The following DVL1 variants were observed in gnomAD, a reference collection of about 807,000 sequenced individuals.
DVL1 encodes the protein segment polarity protein dishevelled homolog DVL-1.
DVL1 carries 49 observed loss-of-function variants against 65.0 expected under a neutral mutation model. That is an observed-to-expected ratio of 0.75 (90% confidence interval 0.60 to 0.96). The LOEUF (loss-of-function observed/expected upper bound fraction) is 0.96. Ranked by LOEUF, DVL1 falls within the 40% of genes least tolerant of loss-of-function variation. The pLI is 0.00. For missense variants in DVL1, 1,197 were observed against 1,045.4 expected, an observed-to-expected ratio of 1.15 and a Z score of -2.00; for synonymous variants, 608 against 433.9, an observed-to-expected ratio of 1.40 and a Z score of -4.99.
At chr1:1,344,668 C>G (rs1363780588) in intron 1 of DVL1, among the ~76,000 whole-genome samples, 1 of 152,182 alleles carries the variant, frequency 6.6e-6, no homozygotes, top group Non-Finnish European at 1.5e-5. Context: ...CACACAGGAG[C>G]CTTCCCAGGT....
At position 1,338,395 on chromosome 1, in the gene DVL1, A is replaced by G; in HGVS notation, c.1381T>C (p.Phe461Leu). 1 of 1,612,630 alleles carries G rather than the reference A, an allele frequency of 6.2e-7. No homozygotes were observed. Among genetic ancestry groups the G allele is most frequent in the Non-Finnish European group, 8.5e-7 (1 of 1,179,866 alleles). The change falls in exon 13 of 15, where the codon TTC becomes CTC. Residue 461 changes from phenylalanine (F) to leucine (L), a missense_variant. Coordinates refer to ENST00000378888, the MANE Select transcript of DVL1 (RefSeq NM_001330311.2). ...TTCCGGGCCTCCCGCCGCTCCTTGA[A>G]GCCCTCCACGTGTGTGTACAGCCAG... ...VDWLYTHVEG[F>L]KERREARKYA...
chr1:1,347,448 C>T (rs762644222), intron 1 of DVL1, among the ~76,000 whole-genome samples: 7 of 152,166 alleles, frequency 4.6e-5, no homozygotes, highest in South Asian at 2.1e-4. Context: ...GGGCAGCCCC[C>T]GGTGGGTGTC....
At chr1:1,339,497 G>C in intron 10 of DVL1, 58 bp from the exon 11 acceptor site, 1 of 1,543,736 alleles carries the variant, frequency 6.5e-7, no homozygotes, top group Non-Finnish European at 8.7e-7. Flanking sequence ...GGGAGGGCAG[G>C]GTGCAGGGCA....
At chr1:1,339,056 C>T (rs542736976) in intron 11 of DVL1, among the ~76,000 whole-genome samples, 13 of 152,322 alleles carry the variant, frequency 8.5e-5, no homozygotes, top group Admixed American at 2.0e-4. Flanking sequence ...GGGTGCTCCC[C>T]GCATAGGGGC....
Position 1,340,300 on chromosome 1 carries a change from C to G in DVL1, c.716G>C (p.Ser239Thr), listed in dbSNP as rs752745458. Residue 239 changes from serine to threonine, a missense_variant, in exon 7 of 15, where the codon AGC becomes ACC. By Grantham distance (58) the Ser-to-Thr change is moderately conservative. Coordinates refer to ENST00000378888, the MANE Select transcript of DVL1 (RefSeq NM_001330311.2). ...GAGGGACATGGTGGAGTCGGTTATG[C>G]TGCTGAAGGAGGAGGCCTATGGAGG... ...RQADRASSFS[S>T]ITDSTMSLNI... is the part of the protein sequence containing the mutation. 1.7e-5 allele frequency: 28 copies of G among 1,613,866 alleles called. No individual in the cohort carries two copies. Among genetic ancestry groups the G allele is most frequent in the Non-Finnish European group, 2.3e-5 (27 of 1,180,008 alleles).
chr1:1,348,957 G>C lies in DVL1; in HGVS notation c.109C>G (p.Leu37Val), dbSNP rs1178441582. The change falls in exon 1 of 15, where the codon CTC becomes GTC. Residue 37 changes from leucine (L) to valine (V), a missense_variant. Transcript: ENST00000378888. ...TAGGCGTGCACGGGCCGGTTGCTGA[G>C]CACGTTCTTGAAGTCGGCCAGCGTG... ...RVTLADFKNV[L>V]SNRPVHAYKF... 1 of 1,575,326 alleles carries C rather than the reference G, an allele frequency of 6.3e-7. No homozygotes were observed. The highest frequency in any genetic ancestry group is 1.4e-5 in the African/African-American group (1 of 72,114).
chr1:1,338,374 G>C lies in DVL1; in HGVS notation c.1402C>G (p.Arg468Gly), dbSNP rs754108481. The change falls in exon 13 of 15, where the codon CGG (arginine) becomes GGG (glycine). Residue 468 changes from arginine to glycine, a missense_variant. Coordinates refer to ENST00000378888, the MANE Select transcript of DVL1 (RefSeq NM_001330311.2). ...TTCAGCAAGCTGCTGGCGTACTTCC[G>C]GGCCTCCCGCCGCTCCTTGAAGCCC... ...VEGFKERREA[R>G]KYASSLLKHG... 8.7e-6 allele frequency: 14 copies of C among 1,612,416 alleles called. 1 individual carries two copies. Among genetic ancestry groups the C allele is most frequent in the African/African-American group, 1.3e-5 (1 of 74,882 alleles).
chr1:1,348,277 G>C (rs771440579), intron 1 of DVL1, among the ~76,000 whole-genome samples: 17 of 152,188 alleles, frequency 1.1e-4, no homozygotes, highest in Non-Finnish European at 2.1e-4. Flanking sequence ...CGAAACAGCA[G>C]ATGGTCTGGG....
Position 1,349,184 on chromosome 1 carries a change from T to G in DVL1, c.-119A>C. On this transcript the variant is annotated 5_prime_UTR_variant, in exon 1 of 15. Transcript: ENST00000378888. The surrounding 1 kb of genome is among the most constrained non-coding windows in gnomAD (Gnocchi z 4.1). ...CCCGCACCGCTCTCGGCCCCGACGC[T>G]CCGAGGCCCCCGGGCGCCCCCGCCC... The G allele has an allele frequency of 5.2e-6, 3 of 579,848 alleles. No homozygotes were observed. The highest frequency in any genetic ancestry group is 6.4e-6 in the Non-Finnish European group (3 of 469,602). The allele number at this position is 579,848 out of a possible 1,614,324, so 35.9% of individuals were successfully genotyped here. A position where few individuals can be genotyped will look rare whatever the true frequency, so the allele number is the denominator to read the frequency against.
rs376205129 is a variant in DVL1, at chr1:1,341,782, T to C, written c.490A>G (p.Arg164Gly). The C allele has an allele frequency of 2.7e-4, 427 of 1,598,366 alleles. No homozygotes were observed. The highest frequency in any genetic ancestry group is 3.4e-4 in the Non-Finnish European group (402 of 1,171,300). ...CCCACATCCCGCCGTCGGTCTCCCC[T>C]TGGGTGCCCATTGGTCCGGGCGGCT... ...EEAARTNGHP[R>G]GDRRRDVGLP... The change falls in exon 5 of 15, where the codon AGG (arginine) becomes GGG (glycine). Residue 164 changes from arginine (R) to glycine (G), a missense_variant. Physicochemically the swap from Arg to Gly is moderately radical, Grantham distance 125. Coordinates refer to ENST00000378888, the MANE Select transcript of DVL1 (RefSeq NM_001330311.2).
chr1:1,348,260 G>A lies in DVL1; in HGVS notation c.170+636C>T, dbSNP rs1011436547. Among the ~76,000 whole-genome samples, 12 of 152,308 alleles carry A rather than the reference G, an allele frequency of 7.9e-5. No homozygotes were observed. The East Asian group carries it at 1.2e-3, about 15-fold the overall frequency. ...GCCCAGCAGGGAGACGCTGACCCAG[G>A]CTGCCCCGAAACAGCAGATGGTCTG... On this transcript the variant is annotated intron_variant, in intron 1 of 14. Transcript: ENST00000378888.
At chr1:1,348,723 G>C (rs895733951) in intron 1 of DVL1, among the ~76,000 whole-genome samples, 173 bp downstream of exon 1, 1 of 151,756 alleles carries the variant, frequency 6.6e-6, no homozygotes, top group Non-Finnish European at 1.5e-5. Flanking sequence ...GGACAGGTGG[G>C]CGCGCGCCGC....
At position 1,341,708 on chromosome 1, in the gene DVL1, G is replaced by A. The variant is rs747630068; in HGVS notation, c.564C>T (p.Ser188=). The change falls in exon 5 of 15, where the codon TCC becomes TCT. Residue 188 remains serine, a synonymous_variant. Transcript: ENST00000378888. The part of the protein sequence containing the change: ...ASTALSSELE[S]SSFVDSDEDG... ...CCTCGTCCGAGTCCACAAAGCTGCT[G>A]GACTCAAGCTCGCTGCTGAGGGCGG... 4 of 1,611,584 alleles carry A rather than the reference G, an allele frequency of 2.5e-6. No individual in the cohort carries two copies. Among genetic ancestry groups the A allele is most frequent in the Admixed American group, 1.7e-5 (1 of 59,992 alleles).
Position 1,339,463 on chromosome 1 carries a change from G to A in DVL1, c.1055-24C>T, listed in dbSNP as rs1220766127. On this transcript the variant is annotated intron_variant, in intron 10 of 14. Transcript: ENST00000378888. ...AGCTGGGTGGCCGCCACGTGGCGAT[G>A]ACAGGCGGACAGATGGACAGGGTGG... 3 of 1,483,384 alleles carry A rather than the reference G, an allele frequency of 2.0e-6. No individual in the cohort carries two copies. The East Asian group carries it at 7.8e-5, about 39-fold the overall frequency. The allele number at this position is 1,483,384 out of a possible 1,614,324, so 91.9% of individuals were successfully genotyped here.
At chr1:1,338,246 T>TGAAGCCC (rs1643657613) in intron 13 of DVL1, 23 bp downstream of exon 13, 1 of 255,234 alleles carries the variant, frequency 3.9e-6, no homozygotes, top group African/African-American at 5.2e-5. Context: ...CCCCCCGCCC[T>TGAAGCCC]GAAGCCCGAA....
At position 1,339,712 on chromosome 1, in the gene DVL1, C is replaced by CGGGA. The variant is rs771444293; in HGVS notation, c.986+23_986+24insTCCC. ...TCCCACCTCCCTGCCTGGCCCCTCC[C>CGGGA]GCTCCAGCGCCCCCAGCCCTCACCC... On this transcript the variant is annotated intron_variant, in intron 9 of 14. Coordinates refer to ENST00000378888, the MANE Select transcript of DVL1 (RefSeq NM_001330311.2). 6 of 1,612,954 alleles carry CGGGA rather than the reference C, an allele frequency of 3.7e-6. No individual in the cohort carries two copies. The South Asian group carries it at 6.6e-5, about 18-fold the overall frequency.
chr1:1,340,621 C>T, intron 5 of DVL1, 118 bp from the exon 6 acceptor site: 1 of 1,126,888 alleles, frequency 8.9e-7, no homozygotes, highest in Non-Finnish European at 1.3e-6. Flanking sequence ...CCAAAGCAGG[C>T]TCAGTGCCTG....
At chr1:1,342,031 T>C in intron 4 of DVL1, 22 bp downstream of exon 4, 1 of 1,544,066 alleles carries the variant, frequency 6.5e-7, no homozygotes, top group South Asian at 1.2e-5. Context: ...GGTCCACAGC[T>C]GGGCAGACAT....
rs1205914529 is a variant in DVL1, at chr1:1,340,164, A to G, written c.783T>C (p.Phe261=). ...TCTGCCCCACGATGCTGATGCCCAG[A>G]AAGTGATGTCTTTCTGCAGGAAGAG... ...TVTLNMERHH[F]LGISIVGQSN... The change falls in exon 8 of 15, where the codon TTT becomes TTC. Residue 261 remains phenylalanine (F), a synonymous_variant. Coordinates refer to ENST00000378888, the MANE Select transcript of DVL1 (RefSeq NM_001330311.2). 16 of 1,613,324 alleles carry G rather than the reference A, an allele frequency of 9.9e-6. No individual in the cohort carries two copies. The highest frequency in any genetic ancestry group is 1.4e-5 in the Non-Finnish European group (16 of 1,179,936).
Sources: allele counts gnomAD v4.1 joint callset (sites outside exome capture counted in the v4.1 genomes callset), GRCh38; gene constraint gnomAD v4.1.1; non-coding constraint Gnocchi (gnomAD v3.1); transcripts MANE v1.5; gene names NCBI Gene and HGNC (gene_info 2026-07-23, HGNC 2026-07-21).